The following DNAH11 variants were observed in gnomAD, a reference collection of about 807,000 sequenced individuals.
DNAH11 encodes dynein axonemal heavy chain 11, also known as axonemal beta dynein heavy chain 11.
A neutral mutation model predicts 526.0 loss-of-function variants in DNAH11; 442 were observed. The observed-to-expected ratio is 0.84, with a 90% CI of 0.78 to 0.91. The LOEUF (loss-of-function observed/expected upper bound fraction) is 0.91, where lower values mean the gene tolerates loss of function less well. Ranked by LOEUF, DNAH11 falls within the 40% of genes least tolerant of loss-of-function variation. DNAH11 has a pLI of 0.00. For synonymous variants in DNAH11, 2,461 were observed against 1,935.9 expected (o/e 1.27, Z -7.12); for missense variants, 6,989 against 5,448.7 (o/e 1.28, Z -8.90).
At chr7:21,892,300 G>A (rs1784352941) in intron 76 of DNAH11, 125 bp from the exon 77 acceptor site, 3 of 1,371,354 alleles carry the variant, frequency 2.2e-6, no homozygotes, top group East Asian at 4.6e-5. Flanking sequence ...AACAGTTTAG[G>A]GAGCCTGCTA....
At chr7:21,792,720 C>G (rs1394562351) in intron 61 of DNAH11, among the ~76,000 whole-genome samples, 2 of 151,994 alleles carry the variant, frequency 1.3e-5, no homozygotes, top group Admixed American at 1.3e-4. Context: ...CTTCATATTT[C>G]TGTGGTATCC....
In DNAH11 at chr7:21,892,473, C is replaced by T. The variant is rs956895082; in HGVS notation, c.12556C>T (p.Leu4186=). The part of the protein sequence containing the change: ...LAPGFAAPPY[L]DYAGYHQYIE... ...ACCAGGTTTTGCTGCCCCACCCTACCTAGATTATGCAGGCTACCACCAGTA... is the reference window on the plus strand; with the variant it reads ...ACCAGGTTTTGCTGCCCCACCCTACTTAGATTATGCAGGCTACCACCAGTA... Residue 4186 remains leucine (L), a synonymous_variant, in exon 77 of 82, where the codon CTA becomes TTA. Transcript: ENST00000409508. The T allele has an allele frequency of 8.1e-6, 13 of 1,613,848 alleles. No homozygotes were observed. Among genetic ancestry groups the T allele is most frequent in the Non-Finnish European group, 1.1e-5 (13 of 1,179,782 alleles).
chr7:21,564,151 C>G lies in DNAH11; in HGVS notation c.983-35C>G, dbSNP rs558650704. On this transcript the variant is annotated intron_variant, in intron 5 of 81. Transcript: ENST00000409508. Reference sequence around the variant, plus strand: ...AATTTAGAAAAAAAAAAAAAACAAACCAGAATCACGTTAATGGTGGTTCTT... The same window carrying G: ...AATTTAGAAAAAAAAAAAAAACAAAGCAGAATCACGTTAATGGTGGTTCTT... 1.7e-5 allele frequency: 22 copies of G among 1,304,352 alleles called. No homozygotes were observed. In the South Asian group the frequency reaches 3.6e-4, roughly 21 times the overall value. 80.8% of individuals were successfully genotyped at this position (1,304,352 alleles called of 1,614,324 possible).
At chr7:21,770,070 C>T (rs1275076822) in intron 55 of DNAH11, among the ~76,000 whole-genome samples, 1 of 152,208 alleles carries the variant, frequency 6.6e-6, no homozygotes, top group African/African-American at 2.4e-5. Flanking sequence ...ACATTTAACA[C>T]TTGTTGCTGC....
rs1311217396 is a variant in DNAH11, at chr7:21,748,698, T to G, written c.8629T>G (p.Phe2877Val). Residue 2877 changes from phenylalanine to valine, a missense_variant, in exon 52 of 82, where the codon TTT (phenylalanine) becomes GTT (valine). Coordinates refer to ENST00000409508, the MANE Select transcript of DNAH11 (RefSeq NM_001277115.2). Reference sequence around the variant, plus strand: ...AGCTTACCTTCGTGGCCTTGAGGTCTTTCAGATCACTCTGACCGAGGGCTA... The same window carrying G: ...AGCTTACCTTCGTGGCCTTGAGGTCGTTCAGATCACTCTGACCGAGGGCTA... ...LAAYLRGLEV[F>V]QITLTEGYGI... 1 of 1,613,634 alleles carries G rather than the reference T, an allele frequency of 6.2e-7. No individual in the cohort carries two copies. Among genetic ancestry groups the G allele is most frequent in the East Asian group, 2.2e-5 (1 of 44,842 alleles).
intron 30 of DNAH11, among the ~76,000 whole-genome samples, chr7:21,666,773 T>G (rs975317746): frequency 1.3e-5 from 2 of 151,928 alleles, no homozygotes; most frequent in African/African-American, 4.8e-5. Flanking sequence ...TTTTTTGGCC[T>G]TTATATAACA....
At position 21,759,471 on chromosome 7, in the gene DNAH11, G is replaced by A. The variant is rs868166095; in HGVS notation, c.8941-5957G>A. 5.3e-5 allele frequency among the ~76,000 whole-genome samples: 8 copies of A among 152,338 alleles called. No individual in the cohort carries two copies. In the South Asian group the frequency reaches 1.2e-3, roughly 24 times the overall value. ...GGGTGGTAATACAGGAAGATACGAGGACGATGATAAAGTGACACCGAAGCA... is the reference window on the plus strand; with the variant it reads ...GGGTGGTAATACAGGAAGATACGAGAACGATGATAAAGTGACACCGAAGCA... On this transcript the variant is annotated intron_variant, in intron 54 of 81. Coordinates refer to ENST00000409508, the MANE Select transcript of DNAH11 (RefSeq NM_001277115.2).
chr7:21,589,455 C>T (rs2128443079), intron 12 of DNAH11, 52 bp downstream of exon 12: 7 of 1,401,488 alleles, frequency 5.0e-6, no homozygotes, highest in Non-Finnish European at 6.8e-6. Context: ...TTATTATAAG[C>T]CTATTTCTGA....
In DNAH11 at chr7:21,710,531, A is replaced by G. The variant is rs1334222204; in HGVS notation, c.6684-22A>G. ...TCAATCTATCGTAGAAATAAACAGC[A>G]CTCAACTACATTATATATTAGGATT... On this transcript the variant is annotated intron_variant, in intron 40 of 81. Coordinates refer to ENST00000409508, the MANE Select transcript of DNAH11 (RefSeq NM_001277115.2). The G allele has an allele frequency of 3.8e-6, 6 of 1,563,074 alleles. No individual in the cohort carries two copies. The South Asian group carries it at 4.8e-5, about 12-fold the overall frequency.
chr7:21,859,044 A>C (rs1782959190), intron 68 of DNAH11, among the ~76,000 whole-genome samples: 1 of 152,192 alleles, frequency 6.6e-6, no homozygotes, highest in South Asian at 2.1e-4. Flanking sequence ...AAATTGTTTA[A>C]AATATTGTAT....
chr7:21,804,276 T>C (rs948703127), intron 62 of DNAH11, among the ~76,000 whole-genome samples: 1 of 151,926 alleles, frequency 6.6e-6, no homozygotes, highest in South Asian at 2.1e-4. Flanking sequence ...ATCCGGCTAA[T>C]TTTTTTGTAT....
At chr7:21,838,207 A>T (rs1172025479) in intron 65 of DNAH11, among the ~76,000 whole-genome samples, 2 of 152,370 alleles carry the variant, frequency 1.3e-5, no homozygotes, top group East Asian at 3.9e-4. Flanking sequence ...AGGTTAATTT[A>T]GAAAGATGTC....
chr7:21,627,184 A>T (rs1296169410), intron 25 of DNAH11, among the ~76,000 whole-genome samples: 2 of 152,164 alleles, frequency 1.3e-5, no homozygotes, highest in South Asian at 2.1e-4. Flanking sequence ...CCCTTATCAG[A>T]TGAGTAGTTT....
In DNAH11 at chr7:21,594,279, G is replaced by T. The variant is rs139116791; in HGVS notation, c.2667+2702G>T. 6.8e-3 allele frequency among the ~76,000 whole-genome samples: 1,032 copies of T among 152,266 alleles called. 9 individuals carry two copies. The highest frequency in any genetic ancestry group is 8.6e-3 in the Non-Finnish European group (585 of 68,028). On this transcript the variant is annotated intron_variant, in intron 14 of 81. Transcript: ENST00000409508. ...GATTACGGTTTTCCTGCTGGGAATTGTATGCAACCCATTATGTATCTTGTC... is the reference window on the plus strand; with the variant it reads ...GATTACGGTTTTCCTGCTGGGAATTTTATGCAACCCATTATGTATCTTGTC...
chr7:21,580,350 G>A (rs771594462), intron 8 of DNAH11, among the ~76,000 whole-genome samples: 7 of 152,326 alleles, frequency 4.6e-5, no homozygotes, highest in Non-Finnish European at 7.3e-5. Flanking sequence ...TGAATAAAGA[G>A]ATTGCTTGGC....
rs1237010895 is a variant in DNAH11 at position 21,708,720 on chromosome 7, TC to T, written c.6683+888del. 2.6e-5 allele frequency among the ~76,000 whole-genome samples: 4 copies of T among 152,284 alleles called. No individual in the cohort carries two copies. The East Asian group carries it at 7.7e-4, about 29-fold the overall frequency. On this transcript the variant is annotated intron_variant, in intron 40 of 81. Coordinates refer to ENST00000409508, the MANE Select transcript of DNAH11 (RefSeq NM_001277115.2). ...CCTCTTTGCTATTCCTTGAACTTGC[TC>T]CCATCACGGGGCCTCAGCACCTCAT...
chr7:21,804,092 G>T (rs1381890781), intron 62 of DNAH11, among the ~76,000 whole-genome samples: 1 of 53,824 alleles, frequency 1.9e-5, no homozygotes, highest in African/African-American at 9.1e-5. Context: ...TTTTTGTTTT[G>T]TTTTGTTTTG....
intron 52 of DNAH11, 72 bp downstream of exon 52, chr7:21,748,814 C>T (rs1786276499): frequency 2.7e-5 from 40 of 1,469,154 alleles, no homozygotes; most frequent in East Asian, 2.2e-4. Context: ...CTAGTGCGCC[C>T]GTGTGGGCTG....
intron 14 of DNAH11, among the ~76,000 whole-genome samples, chr7:21,597,231 C>T (rs1784894658): frequency 6.6e-6 from 1 of 152,108 alleles, no homozygotes; most frequent in Admixed American, 6.5e-5. Flanking sequence ...ATCAATGTGA[C>T]TGTAGTGAGG....
Sources: gnomAD v4.1 joint callset for allele counts (sites outside exome capture counted in the v4.1 genomes callset) on GRCh38, gnomAD v4.1.1 for gene constraint, MANE v1.5 for transcripts, NCBI Gene and HGNC (gene_info 2026-07-23, HGNC 2026-07-21) for gene names.